Variants in ZNF407 observed in about 807,000 individuals in gnomAD.
ZNF407 encodes the protein zinc finger protein 407.
A neutral mutation model predicts 131.2 loss-of-function variants in ZNF407; 17 were observed. That is an observed-to-expected ratio of 0.13 (90% CI 0.09 to 0.19). The LOEUF is 0.19. Ranked by LOEUF, ZNF407 falls within the 10% of genes least tolerant of loss-of-function variation. The probability of loss-of-function intolerance (pLI) is 1.00; values close to 1 mark genes in which losing one functional copy is unlikely to be tolerated. For synonymous variants in ZNF407, 1,156 were observed against 1,062.0 expected, an observed-to-expected ratio of 1.09 and a Z score of -1.72; for missense variants, 2,681 against 2,830.6, an observed-to-expected ratio of 0.95 and a Z score of 1.20.
At chr18:74,924,104 C>T (rs1473651407) in intron 8 of ZNF407, among the ~76,000 whole-genome samples, 3 of 152,056 alleles carry the variant, frequency 2.0e-5, no homozygotes, top group Admixed American at 6.6e-5. Flanking sequence ...CCAAGGAGTA[C>T]GTTTTATATG....
At chr18:74,657,709 C>G (rs1048114332) in intron 3 of ZNF407, among the ~76,000 whole-genome samples, 1 of 152,116 alleles carries the variant, frequency 6.6e-6, no homozygotes, top group Non-Finnish European at 1.5e-5. Context: ...CTTCTTATAC[C>G]CCACTGCAGC....
chr18:74,625,144 G>A (rs540268875), intron 1 of ZNF407, among the ~76,000 whole-genome samples: 26 of 152,092 alleles, frequency 1.7e-4, no homozygotes, highest in Non-Finnish European at 2.4e-4. Flanking sequence ...TGAGATATTG[G>A]GTTATTTCAT....
intron 3 of ZNF407, among the ~76,000 whole-genome samples, chr18:74,778,387 C>T (rs1162954326): frequency 6.6e-6 from 1 of 152,192 alleles, no homozygotes; most frequent in African/African-American, 2.4e-5. Flanking sequence ...TCCTGAGCCA[C>T]CCAAATGTGG....
At chr18:74,976,015 T>G (rs1972524185) in intron 8 of ZNF407, among the ~76,000 whole-genome samples, 1 of 152,222 alleles carries the variant, frequency 6.6e-6, no homozygotes, top group Non-Finnish European at 1.5e-5. Context: ...TTAACTAAAT[T>G]TAAAATATTT....
chr18:74,919,152 A>G (rs897026931), intron 7 of ZNF407, among the ~76,000 whole-genome samples: 2 of 152,138 alleles, frequency 1.3e-5, no homozygotes, highest in Non-Finnish European at 2.9e-5. Flanking sequence ...CGCTTGGACG[A>G]TACTTCCTAT....
At chr18:74,739,374 G>A (rs887743102) in intron 3 of ZNF407, among the ~76,000 whole-genome samples, 1 of 151,940 alleles carries the variant, frequency 6.6e-6, no homozygotes, top group African/African-American at 2.4e-5. Context: ...GTTACTGCAG[G>A]ATCCAGAGCT....
intron 1 of ZNF407, among the ~76,000 whole-genome samples, chr18:74,619,718 T>C (rs1983440896): frequency 6.6e-6 from 1 of 152,208 alleles, no homozygotes; most frequent in Non-Finnish European, 1.5e-5. Flanking sequence ...TCATGACTGA[T>C]TTTATAGATG....
chr18:74,764,282 C>T (rs1335176419), intron 3 of ZNF407, among the ~76,000 whole-genome samples: 5 of 152,030 alleles, frequency 3.3e-5, no homozygotes, highest in African/African-American at 7.2e-5. Flanking sequence ...AACCTATGTT[C>T]TGTTTGTGCT....
intron 3 of ZNF407, among the ~76,000 whole-genome samples, chr18:74,695,077 T>C (rs992288656): frequency 6.6e-6 from 1 of 152,204 alleles, no homozygotes; most frequent in African/African-American, 2.4e-5. Context: ...AAATTCTTTT[T>C]TATGGTTTTT....
In ZNF407 at chr18:75,064,116, A is replaced by G. The variant is rs919009456; in HGVS notation, c.6395A>G (p.His2132Arg). Residue 2132 changes from histidine (H) to arginine (R), a missense_variant, in exon 9 of 9, where the codon CAC (histidine) becomes CGC (arginine). By Grantham distance (29) the His-to-Arg change is conservative. Transcript: ENST00000299687. ...QIIMQEAQGE[H>R]MDLVESDGEI... Reference sequence around the variant, plus strand: ...ATCATGCAGGAGGCGCAGGGCGAGCACATGGATCTGGTGGAGTCCGACGGG... The same window carrying G: ...ATCATGCAGGAGGCGCAGGGCGAGCGCATGGATCTGGTGGAGTCCGACGGG... 1.3e-6 allele frequency: 2 copies of G among 1,597,668 alleles called. No individual in the cohort carries two copies. The highest frequency in any genetic ancestry group is 1.3e-5 in the African/African-American group (1 of 74,756).
intron 3 of ZNF407, among the ~76,000 whole-genome samples, chr18:74,688,789 A>T (rs918064562): frequency 5.9e-5 from 9 of 152,162 alleles, no homozygotes; most frequent in Non-Finnish European, 1.2e-4. Flanking sequence ...AGAGGGACTG[A>T]CATCTTAACA....
At chr18:75,017,569 G>A (rs1040192827) in intron 8 of ZNF407, among the ~76,000 whole-genome samples, 1 of 152,152 alleles carries the variant, frequency 6.6e-6, no homozygotes, top group African/African-American at 2.4e-5. Context: ...AACGGTGACT[G>A]ATGAAATCAG....
intron 8 of ZNF407, among the ~76,000 whole-genome samples, chr18:74,971,697 C>T (rs899482615): frequency 6.6e-6 from 1 of 152,198 alleles, no homozygotes; most frequent in Non-Finnish European, 1.5e-5. Context: ...AACTTTCCCA[C>T]GTTTTCCCGT....
At chr18:74,735,066 G>C (rs1182276529) in intron 3 of ZNF407, among the ~76,000 whole-genome samples, 2 of 152,124 alleles carry the variant, frequency 1.3e-5, no homozygotes, top group African/African-American at 4.8e-5. Context: ...TTCTTTAGCA[G>C]CTAGCAACTG....
intron 1 of ZNF407, among the ~76,000 whole-genome samples, chr18:74,620,892 G>A (rs1171539677): frequency 1.3e-5 from 2 of 152,134 alleles, no homozygotes; most frequent in Non-Finnish European, 2.9e-5. Flanking sequence ...TTGGGGTTAT[G>A]GCTGTGAGAA....
chr18:74,775,541 A>G (rs1207480101), intron 3 of ZNF407, among the ~76,000 whole-genome samples: 1 of 152,192 alleles, frequency 6.6e-6, no homozygotes, highest in African/African-American at 2.4e-5. Flanking sequence ...GTTCCCACAA[A>G]TCTATTTTCT....
intron 4 of ZNF407, among the ~76,000 whole-genome samples, chr18:74,811,626 A>G (rs1009803252): frequency 5.9e-5 from 9 of 151,876 alleles, no homozygotes; most frequent in Non-Finnish European, 2.9e-5. Flanking sequence ...AACCAACCCA[A>G]ATGTCCAACA....
In ZNF407 at chr18:74,950,712, C is replaced by T. The variant is rs368163530; in HGVS notation, c.5428+30020C>T. Among the ~76,000 whole-genome samples, 20 of 152,336 alleles carry T rather than the reference C, an allele frequency of 1.3e-4. 1 individual carries two copies. In the South Asian group the frequency reaches 2.3e-3, roughly 17 times the overall value. ...CATTTCCTGCCTGTCTGTTTTGCTG[C>T]GCGTTAAGAAGCTTTGGAATTAAGT... On this transcript the variant is annotated intron_variant, in intron 8 of 8. Coordinates refer to ENST00000299687, the MANE Select transcript of ZNF407 (RefSeq NM_017757.3).
At chr18:74,757,782 A>G (rs1968997825) in intron 3 of ZNF407, among the ~76,000 whole-genome samples, 1 of 151,978 alleles carries the variant, frequency 6.6e-6, no homozygotes. Flanking sequence ...CTTCATTTCT[A>G]TAATTTGTTG....
Sources: allele counts gnomAD v4.1 joint callset (sites outside exome capture counted in the v4.1 genomes callset), GRCh38; gene constraint gnomAD v4.1.1; transcripts MANE v1.5; gene names NCBI Gene and HGNC (gene_info 2026-07-23, HGNC 2026-07-21).